Variants in GPC3 observed in about 807,000 individuals in gnomAD.
GPC3 encodes glypican 3.
In GPC3, 3 loss-of-function variants were observed where a neutral mutation model predicts 34.4. The observed-to-expected ratio is 0.09, with a 90% CI of 0.04 to 0.23. GPC3 has a LOEUF of 0.23. GPC3 is among the 10% of genes least tolerant of loss of function. The pLI is 1.00. For synonymous variants in GPC3, 177 were observed against 174.0 expected (o/e 1.02, Z -0.13); for missense variants, 351 against 445.6 (o/e 0.79, Z 1.91).
chrX:133,718,629 T>C (rs2071335280), intron 3 of GPC3, among the ~76,000 whole-genome samples: 1 of 111,199 alleles, frequency 9.0e-6, no homozygotes, highest in Non-Finnish European at 1.9e-5. Context: ...ACAAATGGAT[T>C]GAACACTACA....
intron 6 of GPC3, among the ~76,000 whole-genome samples, chrX:133,616,184 G>A (rs115696565): frequency 0.051 from 5,664 of 111,429 alleles, 382 homozygotes; most frequent in African/African-American, 0.17. Context: ...TCAGTTCAGC[G>A]AGATTGTAGA....
intron 7 of GPC3, among the ~76,000 whole-genome samples, chrX:133,573,283 C>A (rs998923790): frequency 1.8e-5 from 2 of 112,009 alleles, no homozygotes; most frequent in African/African-American, 6.5e-5. Flanking sequence ...TCTATAAAAA[C>A]CTCAGAGCTA....
At chrX:133,669,847 TC>T (rs2070809869) in intron 5 of GPC3, among the ~76,000 whole-genome samples, 1 of 112,030 alleles carries the variant, frequency 8.9e-6, no homozygotes, top group Non-Finnish European at 1.9e-5. Flanking sequence ...TGCGGCGTCT[TC>T]TTCTTTATCC....
chrX:133,817,504 C>T (rs970733964), intron 2 of GPC3, among the ~76,000 whole-genome samples: 1 of 109,915 alleles, frequency 9.1e-6, no homozygotes, highest in African/African-American at 3.3e-5. Context: ...CAAAAACAAA[C>T]CTGACTCCTT....
chrX:133,726,298 G>A (rs2071406963), intron 3 of GPC3, among the ~76,000 whole-genome samples: 1 of 111,481 alleles, frequency 9.0e-6, no homozygotes, highest in South Asian at 3.8e-4. Flanking sequence ...AAGGCTGCTG[G>A]GTAGGGCTCC....
chrX:133,733,816 A>G (rs1358286370), intron 3 of GPC3, among the ~76,000 whole-genome samples: 5 of 112,089 alleles, frequency 4.5e-5, no homozygotes, highest in Non-Finnish European at 9.4e-5. Flanking sequence ...TTCCAAAATG[A>G]TTTCTAAAAA....
chrX:133,574,808 A>G (rs2069663475), intron 7 of GPC3, among the ~76,000 whole-genome samples: 1 of 112,302 alleles, frequency 8.9e-6, no homozygotes, highest in Admixed American at 9.5e-5. Flanking sequence ...CTTTGCTGGG[A>G]GAATGAAATG....
At chrX:133,648,214 G>A (rs1162424042) in intron 6 of GPC3, among the ~76,000 whole-genome samples, 1 of 110,588 alleles carries the variant, frequency 9.0e-6, no homozygotes, top group Non-Finnish European at 1.9e-5. Flanking sequence ...GGACAGCAGT[G>A]AATGAAGCCC....
intron 2 of GPC3, among the ~76,000 whole-genome samples, chrX:133,813,731 C>T (rs2075676144): frequency 8.9e-6 from 1 of 112,304 alleles, no homozygotes; most frequent in South Asian, 3.7e-4. Flanking sequence ...CACCCATCAG[C>T]AGACAGCCCT....
intron 3 of GPC3, among the ~76,000 whole-genome samples, chrX:133,718,103 G>C (rs1187530232): frequency 9.0e-6 from 1 of 111,604 alleles, no homozygotes; most frequent in Non-Finnish European, 1.9e-5. Context: ...AAAAGAGAAA[G>C]AAAGAAGAAA....
intron 3 of GPC3, among the ~76,000 whole-genome samples, chrX:133,741,214 G>A (rs757022349): frequency 9.3e-6 from 1 of 107,897 alleles, no homozygotes; most frequent in South Asian, 4.2e-4. Context: ...GACTGAATCT[G>A]CCAGAACCTT....
chrX:133,603,701 A>G (rs186991967), intron 6 of GPC3, among the ~76,000 whole-genome samples: 106 of 111,645 alleles, frequency 9.5e-4, no homozygotes, highest in African/African-American at 3.3e-3. Context: ...GTTGTGTGAT[A>G]AAAGGAAACA....
chrX:133,705,642 G>T (rs73559389), intron 3 of GPC3, among the ~76,000 whole-genome samples: 6,036 of 112,190 alleles, frequency 0.054, 418 homozygotes, highest in African/African-American at 0.18. Context: ...GTGTCATGGA[G>T]TTCTGTCACA....
intron 6 of GPC3, among the ~76,000 whole-genome samples, chrX:133,653,160 C>T (rs997461919): frequency 1.8e-5 from 2 of 112,183 alleles, no homozygotes; most frequent in East Asian, 5.6e-4. Flanking sequence ...TTAATGTTAG[C>T]TTTAAGGGCA....
intron 7 of GPC3, among the ~76,000 whole-genome samples, chrX:133,571,246 G>A (rs769029524): frequency 8.9e-6 from 1 of 112,330 alleles, no homozygotes; most frequent in African/African-American, 3.2e-5. Flanking sequence ...TTTCAAAAAT[G>A]GCATAAATGA....
chrX:133,705,579 T>G (rs1403682911), intron 3 of GPC3, among the ~76,000 whole-genome samples: 1 of 112,297 alleles, frequency 8.9e-6, no homozygotes, highest in Admixed American at 9.4e-5. Context: ...AGCTGAGGCT[T>G]GAATGCTGGT....
chrX:133,870,744 C>T (rs992329742), intron 2 of GPC3, among the ~76,000 whole-genome samples: 1 of 111,675 alleles, frequency 9.0e-6, no homozygotes, highest in African/African-American at 3.3e-5. Context: ...GAGGAATCAA[C>T]ATCCTCTTCC....
At chrX:133,738,469 T>G (rs1200968641) in intron 3 of GPC3, among the ~76,000 whole-genome samples, 1 of 111,984 alleles carries the variant, frequency 8.9e-6, no homozygotes, top group Non-Finnish European at 1.9e-5. Flanking sequence ...AAGGACCCAA[T>G]AAAAGGAAAA....
chrX:133,796,225 G>A (rs778265435), intron 2 of GPC3, among the ~76,000 whole-genome samples: 97 of 111,770 alleles, frequency 8.7e-4, no homozygotes, highest in Non-Finnish European at 1.5e-3. Flanking sequence ...GATTACAGGC[G>A]TGAGCCACCG....
Sources: allele counts gnomAD v4.1 joint callset (sites outside exome capture counted in the v4.1 genomes callset), GRCh38; gene constraint gnomAD v4.1.1; transcripts MANE v1.5; gene names NCBI Gene and HGNC (gene_info 2026-07-23, HGNC 2026-07-21).